The following SERPINB10 variants were observed in gnomAD, a reference collection of about 807,000 sequenced individuals.
The protein encoded by SERPINB10 is serpin B10.
In SERPINB10, 35 loss-of-function variants were observed where a neutral mutation model predicts 39.1. The observed-to-expected ratio is 0.90, with a 90% confidence interval of 0.68 to 1.19. The LOEUF (loss-of-function observed/expected upper bound fraction) is 1.19. SERPINB10 is among the 50% of genes most tolerant of loss of function. The probability of loss-of-function intolerance (pLI) is 0.00; values close to 1 mark genes in which losing one functional copy is unlikely to be tolerated. For synonymous variants in SERPINB10, 190 were observed against 158.1 expected (o/e 1.20, Z -1.52); for missense variants, 546 against 460.5 (o/e 1.19, Z -1.70).
In SERPINB10 at chr18:63,935,465, A is replaced by G. The variant is rs142775953; in HGVS notation, c.*223A>G. The G allele has an allele frequency of 9.6e-5, 45 of 466,846 alleles. No homozygotes were observed. Among genetic ancestry groups the G allele is most frequent in the African/African-American group, 8.5e-4 (43 of 50,454 alleles). The allele number at this position is 466,846 out of a possible 1,614,324, so 28.9% of individuals were successfully genotyped here. A position where few individuals can be genotyped will look rare whatever the true frequency, so the allele number is the denominator to read the frequency against. On this transcript the variant is annotated 3_prime_UTR_variant, in exon 8 of 8. Coordinates refer to ENST00000238508, the MANE Select transcript of SERPINB10 (RefSeq NM_005024.3). ...TTTTTAACACGTTAACATTTTGTCT[A>G]ATGTGACTTTCATTTACATTTCAGA...
intron 1 of SERPINB10, among the ~76,000 whole-genome samples, chr18:63,910,300 A>G: frequency 6.6e-6 from 1 of 151,962 alleles, no homozygotes; most frequent in East Asian, 1.9e-4. Flanking sequence ...TTTATTTTTT[A>G]AATAATTTCA....
chr18:63,919,932 G>A, intron 5 of SERPINB10, 27 bp downstream of exon 5: 1 of 1,444,332 alleles, frequency 6.9e-7, no homozygotes, highest in South Asian at 1.2e-5. Flanking sequence ...GGGTTTGGCA[G>A]CGTGCTTTTC....
chr18:63,918,894 A>G (rs2050124880), intron 4 of SERPINB10, among the ~76,000 whole-genome samples: 1 of 152,022 alleles, frequency 6.6e-6, no homozygotes, highest in African/African-American at 2.4e-5. Context: ...CAAGAGGGAC[A>G]CAGAGATAGA....
rs771322278 is a variant in SERPINB10 at position 63,918,073 on chromosome 18, T to C, written c.343T>C (p.Tyr115His). 1.2e-6 allele frequency: 2 copies of C among 1,612,392 alleles called. No homozygotes were observed. The highest frequency in any genetic ancestry group is 1.7e-6 in the Non-Finnish European group (2 of 1,179,028). Residue 115 changes from tyrosine (Y) to histidine (H), a missense_variant, in exon 4 of 8, where the codon TAT becomes CAT. Tyr to His is a moderately conservative substitution (Grantham distance 83). Transcript: ENST00000238508. ...DYLLKTANAI[Y>H]GEKTYAFHNK... The stretch of plus-strand genomic sequence containing the variant: ...CTTACTTAAAACAGCCAATGCGATA[T>C]ATGGAGAGAAAACGTATGCATTTCA...
intron 5 of SERPINB10, among the ~76,000 whole-genome samples, chr18:63,920,542 C>T (rs953192536): frequency 6.6e-6 from 1 of 152,078 alleles, no homozygotes; most frequent in East Asian, 1.9e-4. Flanking sequence ...ATGGTTCTTA[C>T]AATAGCCAGT....
At position 63,935,018 on chromosome 18, in the gene SERPINB10, GGAAT is replaced by G; in HGVS notation, c.972_975del (p.Met325LeufsTer19). 6.2e-7 allele frequency: 1 copy of G among 1,614,204 alleles called. No homozygotes were observed. On this transcript the variant is annotated frameshift_variant, in exon 8 of 8. Transcript: ENST00000238508. LOFTEE classifies it high-confidence loss of function. ...CAGCCAAAGCAAAGCTGATTTCTCAGGAATGTCTTCAGCAAGAAACCTATTTTTG... is the reference window on the plus strand; with the variant it reads ...CAGCCAAAGCAAAGCTGATTTCTCAGGTCTTCAGCAAGAAACCTATTTTTG...
At chr18:63,913,736 G>C (rs1323981027) in intron 1 of SERPINB10, among the ~76,000 whole-genome samples, 2 of 152,060 alleles carry the variant, frequency 1.3e-5, no homozygotes, top group African/African-American at 4.8e-5. Context: ...TGAGAAGAAT[G>C]TATATTTTGT....
At chr18:63,934,377 AT>A (rs1322382617) in intron 7 of SERPINB10, among the ~76,000 whole-genome samples, 1 of 152,168 alleles carries the variant, frequency 6.6e-6, no homozygotes, top group African/African-American at 2.4e-5. Context: ...TTAGTCTATA[AT>A]TATTAATCTC....
At chr18:63,921,903 A>T (rs1365516679) in intron 5 of SERPINB10, among the ~76,000 whole-genome samples, 7 of 151,814 alleles carry the variant, frequency 4.6e-5, no homozygotes, top group Admixed American at 4.6e-4. Flanking sequence ...CTTCTATCTG[A>T]AATACCGTTC....
chr18:63,917,934 T>G (rs753946204), intron 3 of SERPINB10, 31 bp from the exon 4 acceptor site: 6 of 1,601,082 alleles, frequency 3.7e-6, no homozygotes, highest in Non-Finnish European at 2.6e-6. Context: ...TTGTTCAACA[T>G]TTTATTTGAC....
At chr18:63,913,735 T>C (rs1195238496) in intron 1 of SERPINB10, among the ~76,000 whole-genome samples, 1 of 152,086 alleles carries the variant, frequency 6.6e-6, no homozygotes, top group Non-Finnish European at 1.5e-5. Context: ...ATGAGAAGAA[T>C]GTATATTTTG....
intron 7 of SERPINB10, 115 bp downstream of exon 7, chr18:63,933,318 T>G: frequency 8.7e-7 from 1 of 1,151,042 alleles, no homozygotes; most frequent in Non-Finnish European, 1.3e-6. Flanking sequence ...CCCTATTATT[T>G]AATTCCTATA....
intron 5 of SERPINB10, among the ~76,000 whole-genome samples, chr18:63,924,500 G>A (rs1456529438): frequency 1.3e-5 from 2 of 151,942 alleles, no homozygotes; most frequent in Non-Finnish European, 2.9e-5. Context: ...TGATTACTAA[G>A]CCTAACTCCA....
intron 7 of SERPINB10, among the ~76,000 whole-genome samples, chr18:63,934,321 C>T (rs2050245426): frequency 6.6e-6 from 1 of 151,780 alleles, no homozygotes; most frequent in Non-Finnish European, 1.5e-5. Context: ...AAAATAATTA[C>T]TTTTGAGATT....
At chr18:63,921,270 A>G (rs1164154255) in intron 5 of SERPINB10, among the ~76,000 whole-genome samples, 2 of 151,834 alleles carry the variant, frequency 1.3e-5, no homozygotes. Context: ...TCTCCTCTGA[A>G]CTTCAGGGCT....
At chr18:63,920,404 T>C (rs1268631176) in intron 5 of SERPINB10, among the ~76,000 whole-genome samples, 1 of 151,960 alleles carries the variant, frequency 6.6e-6, no homozygotes, top group Non-Finnish European at 1.5e-5. Context: ...TTCTCTCAAA[T>C]AATAGTTCAA....
At chr18:63,934,777 T>A in intron 7 of SERPINB10, 61 bp from the exon 8 acceptor site, 2 of 1,528,044 alleles carry the variant, frequency 1.3e-6, no homozygotes, top group Non-Finnish European at 1.8e-6. Flanking sequence ...CTCTCTCTAC[T>A]ACTGTTTTTC....
chr18:63,911,966 T>TC (rs1555703458), intron 1 of SERPINB10, among the ~76,000 whole-genome samples: 3 of 151,988 alleles, frequency 2.0e-5, no homozygotes, highest in African/African-American at 4.8e-5. Context: ...TGTTTTTTTT[T>TC]ACCTCACTTT....
intron 6 of SERPINB10, among the ~76,000 whole-genome samples, chr18:63,930,816 C>G (rs2050216821): frequency 6.6e-6 from 1 of 152,176 alleles, no homozygotes; most frequent in South Asian, 2.1e-4. Context: ...CATAGCTACT[C>G]ACAGGACCTT....
Sources: gnomAD v4.1 joint callset for allele counts (sites outside exome capture counted in the v4.1 genomes callset) on GRCh38, gnomAD v4.1.1 for gene constraint, MANE v1.5 for transcripts, NCBI Gene and HGNC (gene_info 2026-07-23, HGNC 2026-07-21) for gene names.